MPP3: variants seen among roughly 807,000 people sequenced by gnomAD.
MPP3 encodes MAGUK p55 scaffold protein 3, also known as MAGUK p55 subfamily member 3.
A neutral mutation model predicts 80.7 loss-of-function variants in MPP3; 48 were observed. The observed-to-expected ratio is 0.59, with a 90% CI of 0.47 to 0.76. The LOEUF is 0.76. Among genes scored for constraint, MPP3 ranks in the 30% least tolerant of loss-of-function variants. The probability of loss-of-function intolerance (pLI) is 0.00; values close to 1 mark genes in which losing one functional copy is unlikely to be tolerated. For synonymous variants in MPP3, 311 were observed against 297.6 expected (o/e 1.04, Z -0.46); for missense variants, 620 against 763.0 (o/e 0.81, Z 2.21).
intron 2 of MPP3, 111 bp from the exon 3 acceptor site, chr17:43,832,054 T>C: frequency 1.4e-6 from 1 of 728,256 alleles, no homozygotes; most frequent in East Asian, 2.7e-5. Context: ...ACAGAGAGGA[T>C]GGGAACAAAT....
intron 2 of MPP3, chr17:43,832,194 A>G: frequency 2.0e-6 from 1 of 505,830 alleles, no homozygotes; most frequent in East Asian, 3.6e-5. Flanking sequence ...CTGAGAAATG[A>G]CTGCGAATGT....
At chr17:43,827,475 G>A (rs2045767049) in intron 8 of MPP3, among the ~76,000 whole-genome samples, 1 of 151,894 alleles carries the variant, frequency 6.6e-6, no homozygotes, top group Non-Finnish European at 1.5e-5. Flanking sequence ...GGCTGGTCTG[G>A]AACTCCTGGC....
rs755014504 is a variant in MPP3 at position 43,829,717 on chromosome 17, G to C, written c.378C>G (p.Ile126Met). ...DPVLPPLPDN[I>M]DEDFDEESVK... Reference sequence around the variant, plus strand: ...CCGATTCCTCATCAAAATCCTCATCGATATTGTCAGGCAGAGGCGGGAGAA... The same window carrying C: ...CCGATTCCTCATCAAAATCCTCATCCATATTGTCAGGCAGAGGCGGGAGAA... Residue 126 changes from isoleucine to methionine, a missense_variant, in exon 7 of 20, where the codon ATC (isoleucine) becomes ATG (methionine). Transcript: ENST00000398389. 3 of 1,613,960 alleles carry C rather than the reference G, an allele frequency of 1.9e-6. No homozygotes were observed. The highest frequency in any genetic ancestry group is 2.5e-6 in the Non-Finnish European group (3 of 1,180,020).
intron 11 of MPP3, among the ~76,000 whole-genome samples, chr17:43,819,642 C>T (rs1363721220): frequency 1.3e-5 from 2 of 151,978 alleles, no homozygotes; most frequent in South Asian, 2.1e-4. Context: ...CACAGCAGCC[C>T]GCAAGATGCC....
chr17:43,831,698 C>G, intron 3 of MPP3, 21 bp from the exon 4 acceptor site: 2 of 1,581,310 alleles, frequency 1.3e-6, no homozygotes, highest in Non-Finnish European at 1.7e-6. Flanking sequence ...GTGAGAAAAA[C>G]AAAGGATAGC....
rs748949413 is a variant in MPP3 at position 43,814,068 on chromosome 17, C to T, written c.1198G>A (p.Glu400Lys). ...TCAGCCACCACCTTTTGCTTCAGCT[C>T]GTGCAGTCGGGCTCCCAGAGACCCT... Reference protein sequence around the residue: ...LIGSLGARLHELKQKVVAENP... With the variant: ...LIGSLGARLHKLKQKVVAENP... The change falls in exon 16 of 20, where the codon GAG becomes AAG. Residue 400 changes from glutamate (E) to lysine (K), a missense_variant. Coordinates refer to ENST00000398389, the MANE Select transcript of MPP3 (RefSeq NM_001932.6). The T allele has an allele frequency of 1.4e-5, 23 of 1,613,342 alleles. No individual in the cohort carries two copies. In the Admixed American group the frequency reaches 2.3e-4, roughly 16 times the overall value.
intron 19 of MPP3, among the ~76,000 whole-genome samples, chr17:43,802,771 C>A (rs1447153222): frequency 1.3e-5 from 2 of 152,144 alleles, no homozygotes; most frequent in Non-Finnish European, 2.9e-5. Flanking sequence ...GTTGCTGTCT[C>A]CCCTCTGCTT....
Position 43,831,694 on chromosome 17 carries a change from A to G in MPP3, c.26-17T>C, listed in dbSNP as rs926623460. 6.3e-7 allele frequency: 1 copy of G among 1,589,964 alleles called. No homozygotes were observed. The highest frequency in any genetic ancestry group is 1.3e-5 in the African/African-American group (1 of 74,198). On this transcript the variant is annotated splice_polypyrimidine_tract_variant and intron_variant, in intron 3 of 19. Coordinates refer to ENST00000398389, the MANE Select transcript of MPP3 (RefSeq NM_001932.6). ...CATGCAAACCTGGGGAGAGGTGAGA[A>G]AAACAAAGGATAGCAAACGCAGTGG...
At chr17:43,801,918 C>T (rs921711446) in intron 19 of MPP3, 41 bp from the exon 20 acceptor site, 2 of 1,585,132 alleles carry the variant, frequency 1.3e-6, no homozygotes, top group African/African-American at 2.7e-5. Context: ...CTGGGTTGTT[C>T]TCCTATAACA....
chr17:43,807,721 T>C (rs2044678278), intron 19 of MPP3, among the ~76,000 whole-genome samples: 1 of 152,108 alleles, frequency 6.6e-6, no homozygotes. Flanking sequence ...TTTGGGAAGC[T>C]GAGGCAGGAG....
chr17:43,806,465 C>A (rs972027419), intron 19 of MPP3, among the ~76,000 whole-genome samples: 4 of 151,556 alleles, frequency 2.6e-5, no homozygotes, highest in Admixed American at 1.3e-4. Context: ...CACTCCCGGC[C>A]CCAACATATG....
intron 10 of MPP3, among the ~76,000 whole-genome samples, chr17:43,822,611 A>C (rs1598354125): frequency 8.8e-6 from 1 of 113,774 alleles, no homozygotes; most frequent in African/African-American, 3.4e-5. Context: ...TACCCACTCC[A>C]CCCTCCTCCC....
Position 43,816,099 on chromosome 17 carries a change from AG to A in MPP3, c.968-21del. ...AGGTCTCTGGGAAGCAAACAGAGGGAGGGAAGCCAGTGAGTCCCACCAGACA... is the reference window on the plus strand; with the variant it reads ...AGGTCTCTGGGAAGCAAACAGAGGGAGGAAGCCAGTGAGTCCCACCAGACA... On this transcript the variant is annotated intron_variant, in intron 13 of 19. Coordinates refer to ENST00000398389, the MANE Select transcript of MPP3 (RefSeq NM_001932.6). 6.6e-7 allele frequency: 1 copy of A among 1,506,692 alleles called. No homozygotes were observed. The highest frequency in any genetic ancestry group is 1.3e-5 in the South Asian group (1 of 76,726). The allele number at this position is 1,506,692 out of a possible 1,614,324, so 93.3% of individuals were successfully genotyped here. A position where few individuals can be genotyped will look rare whatever the true frequency, so the allele number is the denominator to read the frequency against.
chr17:43,827,741 C>T lies in MPP3; in HGVS notation c.523+10G>A, dbSNP rs200050954. The T allele has an allele frequency of 1.4e-5, 22 of 1,609,422 alleles. No homozygotes were observed. The highest frequency in any genetic ancestry group is 1.3e-4 in the South Asian group (12 of 91,080). On this transcript the variant is annotated intron_variant, in intron 8 of 19. Transcript: ENST00000398389. ...CGGGGCTGGGCCAGCTTTGCACTGC[C>T]GCCACTCACCGCTCCTGTCTGCTGC...
chr17:43,820,214 G>A (rs1326479807), intron 11 of MPP3, among the ~76,000 whole-genome samples: 4 of 151,994 alleles, frequency 2.6e-5, no homozygotes, highest in Admixed American at 1.3e-4. Context: ...CAAAGTGCTG[G>A]GATTACAGGC....
At chr17:43,809,221 C>A (rs902216317) in intron 18 of MPP3, 143 bp from the exon 19 acceptor site, 1 of 853,522 alleles carries the variant, frequency 1.2e-6, no homozygotes, top group Non-Finnish European at 1.7e-6. Flanking sequence ...TGACAATGGA[C>A]TTCAACTGGG....
intron 11 of MPP3, 138 bp from the exon 12 acceptor site, chr17:43,818,248 C>CTTAG: frequency 3.3e-6 from 2 of 614,622 alleles, no homozygotes; most frequent in Non-Finnish European, 5.2e-6. Flanking sequence ...GGGCCTCCTG[C>CTTAG]TTAGCACTAA....
chr17:43,807,316 ATT>A (rs775028839), intron 19 of MPP3, among the ~76,000 whole-genome samples: 2 of 139,004 alleles, frequency 1.4e-5, no homozygotes, highest in Non-Finnish European at 3.1e-5. Context: ...TTTTTTCTAC[ATT>A]TTTTTTTTTT....
intron 19 of MPP3, among the ~76,000 whole-genome samples, chr17:43,807,027 A>G (rs1165439377): frequency 6.6e-6 from 1 of 151,462 alleles, no homozygotes; most frequent in Non-Finnish European, 1.5e-5. Flanking sequence ...GCTAGAGTGC[A>G]GTGGCGTGAT....
Sources: gnomAD v4.1 joint callset for allele counts (sites outside exome capture counted in the v4.1 genomes callset) on GRCh38, gnomAD v4.1.1 for gene constraint, MANE v1.5 for transcripts, NCBI Gene and HGNC (gene_info 2026-07-23, HGNC 2026-07-21) for gene names.